EMCN: variants seen among roughly 807,000 people sequenced by gnomAD.
EMCN encodes endomucin.
In EMCN, 37 loss-of-function variants were observed where a neutral mutation model predicts 38.4. The observed-to-expected ratio is 0.96, with a 90% CI of 0.74 to 1.27. EMCN has a LOEUF of 1.27. EMCN is among the 50% of genes most tolerant of loss of function. The pLI is 0.00. For missense variants in EMCN, 318 were observed against 302.8 expected, an observed-to-expected ratio of 1.05 and a Z score of -0.37; for synonymous variants, 95 against 100.8, an observed-to-expected ratio of 0.94 and a Z score of 0.35.
chr4:100,405,987 T>C (rs1478525477), intron 11 of EMCN, among the ~76,000 whole-genome samples: 1 of 152,108 alleles, frequency 6.6e-6, no homozygotes, highest in Non-Finnish European at 1.5e-5. Flanking sequence ...ATCTATTTCT[T>C]TTAGGTTTTC....
chr4:100,500,299 A>T (rs1200030155), intron 1 of EMCN, among the ~76,000 whole-genome samples: 1 of 152,136 alleles, frequency 6.6e-6, no homozygotes, highest in Non-Finnish European at 1.5e-5. Flanking sequence ...TTCAATTTAA[A>T]ATTCTTAAAC....
intron 5 of EMCN, among the ~76,000 whole-genome samples, chr4:100,440,107 T>C (rs1727468988): frequency 6.6e-6 from 1 of 152,162 alleles, no homozygotes; most frequent in Non-Finnish European, 1.5e-5. Flanking sequence ...TATCCTGCTG[T>C]TAAAGTAAAG....
chr4:100,404,288 C>T (rs753647095), intron 11 of EMCN, among the ~76,000 whole-genome samples: 1 of 152,122 alleles, frequency 6.6e-6, no homozygotes, highest in African/African-American at 2.4e-5. Flanking sequence ...CCATTTATCC[C>T]AGCACTATTC....
chr4:100,408,089 C>G (rs1369801531), intron 11 of EMCN, among the ~76,000 whole-genome samples: 1 of 152,124 alleles, frequency 6.6e-6, no homozygotes, highest in African/African-American at 2.4e-5. Flanking sequence ...TTTGTTCTTT[C>G]TTAAAATGGC....
At chr4:100,433,827 C>T (rs1241644637) in intron 5 of EMCN, among the ~76,000 whole-genome samples, 3 of 152,082 alleles carry the variant, frequency 2.0e-5, no homozygotes, top group African/African-American at 7.2e-5. Flanking sequence ...TGAGCCACTG[C>T]ACCCAGCCGA....
chr4:100,409,645 G>A (rs1726494474), intron 11 of EMCN, among the ~76,000 whole-genome samples: 1 of 152,232 alleles, frequency 6.6e-6, no homozygotes, highest in Non-Finnish European at 1.5e-5. Context: ...GACCAGCTGA[G>A]TAAAAGGAAA....
intron 1 of EMCN, among the ~76,000 whole-genome samples, chr4:100,493,483 T>C (rs1729137500): frequency 6.6e-6 from 1 of 152,208 alleles, no homozygotes; most frequent in African/African-American, 2.4e-5. Flanking sequence ...GACCTTGGGC[T>C]ACTGGGAACT....
At chr4:100,469,666 G>C (rs1469357673) in intron 3 of EMCN, among the ~76,000 whole-genome samples, 1 of 151,976 alleles carries the variant, frequency 6.6e-6, no homozygotes, top group South Asian at 2.1e-4. Flanking sequence ...AATTATTCCA[G>C]CTTCATTTAT....
intron 11 of EMCN, among the ~76,000 whole-genome samples, chr4:100,400,949 C>T (rs1185211641): frequency 6.6e-6 from 1 of 151,974 alleles, no homozygotes; most frequent in Non-Finnish European, 1.5e-5. Flanking sequence ...TGGTATAGGA[C>T]TGAATAGTCA....
At chr4:100,482,625 C>T (rs150536321) in intron 1 of EMCN, among the ~76,000 whole-genome samples, 153 of 152,090 alleles carry the variant, frequency 1.0e-3, no homozygotes, top group African/African-American at 3.0e-3. Flanking sequence ...GAACATAGTG[C>T]GCATGATCTG....
At position 100,405,447 on chromosome 4, in the gene EMCN, G is replaced by A. The variant is rs1726367394; in HGVS notation, c.*39+4835C>T. 2.6e-5 allele frequency among the ~76,000 whole-genome samples: 4 copies of A among 152,054 alleles called. No homozygotes were observed. In the South Asian group the frequency reaches 8.3e-4, roughly 32 times the overall value. On this transcript the variant is annotated intron_variant, in intron 11 of 11. Coordinates refer to ENST00000296420, the MANE Select transcript of EMCN (RefSeq NM_016242.4). Reference sequence around the variant, plus strand: ...GAAAAGATGTTAAATTCTTTCACAAGCCTTTTCTGACTGCACTTATTAAGA... The same window carrying A: ...GAAAAGATGTTAAATTCTTTCACAAACCTTTTCTGACTGCACTTATTAAGA...
chr4:100,419,726 C>T (rs1441444591), intron 8 of EMCN, among the ~76,000 whole-genome samples: 1 of 152,010 alleles, frequency 6.6e-6, no homozygotes, highest in Non-Finnish European at 1.5e-5. Flanking sequence ...TGCTGTTTCT[C>T]CTCTGAAAAC....
At chr4:100,454,392 C>G (rs1481648593) in intron 4 of EMCN, among the ~76,000 whole-genome samples, 1 of 151,888 alleles carries the variant, frequency 6.6e-6, no homozygotes, top group Non-Finnish European at 1.5e-5. Context: ...CAGTGACAAC[C>G]AACGTAGCTC....
intron 8 of EMCN, among the ~76,000 whole-genome samples, chr4:100,421,060 T>C (rs1726873065): frequency 6.6e-6 from 1 of 152,020 alleles, no homozygotes; most frequent in African/African-American, 2.4e-5. Context: ...AAAAAGAATT[T>C]CCCTATATTT....
chr4:100,435,658 T>G (rs1727331439), intron 5 of EMCN, among the ~76,000 whole-genome samples: 2 of 152,180 alleles, frequency 1.3e-5, no homozygotes, highest in South Asian at 4.1e-4. Flanking sequence ...CAAAGCAGCA[T>G]GGTACTGGTA....
intron 7 of EMCN, 76 bp downstream of exon 7, chr4:100,422,945 A>T: frequency 1.4e-6 from 2 of 1,426,108 alleles, no homozygotes; most frequent in Admixed American, 3.4e-5. Context: ...CCATAATCTG[A>T]TTCCTCTCCT....
intron 1 of EMCN, chr4:100,487,046 A>G: frequency 1.0e-6 from 1 of 983,232 alleles, no homozygotes; most frequent in Non-Finnish European, 1.2e-6. Flanking sequence ...AAAAAAGGCA[A>G]AGGTTACATT....
intron 8 of EMCN, among the ~76,000 whole-genome samples, chr4:100,420,113 A>C (rs1475171797): frequency 6.6e-6 from 1 of 152,150 alleles, no homozygotes; most frequent in African/African-American, 2.4e-5. Flanking sequence ...ACCTTTAAAA[A>C]TGTAACTCAA....
At chr4:100,459,184 T>G (rs1728102252) in intron 4 of EMCN, among the ~76,000 whole-genome samples, 1 of 3,292 alleles carries the variant, frequency 3.0e-4, no homozygotes, top group African/African-American at 1.1e-3. Flanking sequence ...TCTCTCTCTC[T>G]CTCTCTCTCT....
Sources: allele counts gnomAD v4.1 joint callset (sites outside exome capture counted in the v4.1 genomes callset), GRCh38; gene constraint gnomAD v4.1.1; transcripts MANE v1.5; gene names NCBI Gene and HGNC (gene_info 2026-07-23, HGNC 2026-07-21).